The following COL21A1 variants were observed in gnomAD, a reference collection of about 807,000 sequenced individuals.
COL21A1 encodes collagen alpha-1(XXI) chain.
A neutral mutation model predicts 137.9 loss-of-function variants in COL21A1; 149 were observed. The ratio of observed to expected loss-of-function variants is 1.08; its 90% CI spans 0.95 to 1.24. COL21A1 has a LOEUF of 1.24. Among genes scored for constraint, COL21A1 ranks in the 50% most tolerant of loss-of-function variants. The pLI is 0.00. For missense variants in COL21A1, 1,167 were observed against 1,158.4 expected (o/e 1.01, Z -0.11); for synonymous variants, 456 against 391.5 (o/e 1.16, Z -1.95).
At chr6:56,174,160 A>T (rs1292619704) in intron 3 of COL21A1, among the ~76,000 whole-genome samples, 1 of 152,168 alleles carries the variant, frequency 6.6e-6, no homozygotes, top group African/African-American at 2.4e-5. Context: ...TCCAAAATTT[A>T]TGAGATGCAG....
intron 10 of COL21A1, among the ~76,000 whole-genome samples, chr6:56,146,993 T>C (rs551732141): frequency 6.6e-6 from 1 of 152,124 alleles, no homozygotes; most frequent in African/African-American, 2.4e-5. Context: ...CTTTGACAAA[T>C]AATCTCTGCA....
At chr6:56,092,404 T>G (rs1768924987) in intron 17 of COL21A1, among the ~76,000 whole-genome samples, 1 of 152,130 alleles carries the variant, frequency 6.6e-6, no homozygotes. Flanking sequence ...ATATAGCACA[T>G]TAAGTATCAT....
At chr6:56,366,349 G>A (rs1434165018) in intron 1 of COL21A1, among the ~76,000 whole-genome samples, 1 of 152,182 alleles carries the variant, frequency 6.6e-6, no homozygotes, top group Non-Finnish European at 1.5e-5. Context: ...TACTAGGACT[G>A]ACTTTTAGCT....
Position 56,126,354 on chromosome 6 carries a change from T to C in COL21A1, c.1543-205A>G, listed in dbSNP as rs78904255. 1,422 of 478,352 alleles carry C rather than the reference T, an allele frequency of 3.0e-3. 20 individuals are homozygous for C. The highest frequency in any genetic ancestry group is 0.027 in the African/African-American group (1,341 of 48,918). 29.6% of individuals were successfully genotyped at this position (478,352 alleles called of 1,614,324 possible). A position where few individuals can be genotyped will look rare whatever the true frequency, so the allele number is the denominator to read the frequency against. On this transcript the variant is annotated intron_variant, in intron 12 of 29. Coordinates refer to ENST00000244728, the MANE Select transcript of COL21A1 (RefSeq NM_030820.4). ...TTATAATCAGAGAAGATAAGTATTT[T>C]GGAGCTAAGAAAATCTCACTAGCAA...
intron 10 of COL21A1, among the ~76,000 whole-genome samples, chr6:56,155,529 T>C (rs1399700133): frequency 6.6e-6 from 1 of 152,222 alleles, no homozygotes. Context: ...AATTAATGCC[T>C]CATGATAAAG....
chr6:56,188,907 T>C (rs1471011703), intron 1 of COL21A1, among the ~76,000 whole-genome samples: 1 of 152,112 alleles, frequency 6.6e-6, no homozygotes, highest in Non-Finnish European at 1.5e-5. Context: ...ACTGTCAGAA[T>C]GAAAACTAAC....
chr6:56,313,374 A>G (rs916675530), intron 1 of COL21A1, among the ~76,000 whole-genome samples: 1 of 152,212 alleles, frequency 6.6e-6, no homozygotes, highest in Admixed American at 6.5e-5. Flanking sequence ...TTGGGCTGTC[A>G]TAACAACATA....
chr6:56,380,309 A>T (rs1385711363), intron 1 of COL21A1, among the ~76,000 whole-genome samples: 1 of 152,204 alleles, frequency 6.6e-6, no homozygotes, highest in Non-Finnish European at 1.5e-5. Context: ...CAGAACTGTG[A>T]GCCAAATAAA....
chr6:56,322,274 G>A (rs544862841), intron 1 of COL21A1, among the ~76,000 whole-genome samples: 1 of 152,082 alleles, frequency 6.6e-6, no homozygotes, highest in African/African-American at 2.4e-5. Flanking sequence ...CCATAACAAC[G>A]CCCAACTACA....
chr6:56,240,857 G>T (rs1782264221), intron 1 of COL21A1, among the ~76,000 whole-genome samples: 1 of 152,130 alleles, frequency 6.6e-6, no homozygotes, highest in African/African-American at 2.4e-5. Context: ...CTAAATAGTA[G>T]TGTAGAAATG....
At chr6:56,218,385 C>T (rs1046522652) in intron 1 of COL21A1, among the ~76,000 whole-genome samples, 1 of 151,798 alleles carries the variant, frequency 6.6e-6, no homozygotes, top group African/African-American at 2.4e-5. Flanking sequence ...CCCAACACTT[C>T]CTAAAATCAA....
At chr6:56,261,586 C>T (rs992999939) in intron 1 of COL21A1, among the ~76,000 whole-genome samples, 3 of 152,148 alleles carry the variant, frequency 2.0e-5, no homozygotes, top group African/African-American at 7.2e-5. Context: ...CATCTACAGG[C>T]ACCTTGGTCA....
chr6:56,097,908 T>TAAATATATATAAATATATAAATATATAA (rs1769597033), intron 17 of COL21A1, among the ~76,000 whole-genome samples: 3 of 96,872 alleles, frequency 3.1e-5, no homozygotes, highest in African/African-American at 4.3e-5. Context: ...TATAAATATA[T>TAAATATATATAAATATATAAATATATAA]AAATATATAT....
At chr6:56,208,984 G>A (rs1444312204) in intron 1 of COL21A1, among the ~76,000 whole-genome samples, 1 of 152,116 alleles carries the variant, frequency 6.6e-6, no homozygotes, top group African/African-American at 2.4e-5. Context: ...GCAGAAAGCT[G>A]AAACTGGATC....
chr6:56,241,636 T>A (rs9349805), intron 1 of COL21A1, among the ~76,000 whole-genome samples: 29,596 of 148,974 alleles, frequency 0.2, 3,569 homozygotes, highest in Non-Finnish European at 0.27. Flanking sequence ...TCTCAGGACC[T>A]GGGTATTTAC....
intron 16 of COL21A1, among the ~76,000 whole-genome samples, chr6:56,122,797 G>A (rs1772668255): frequency 6.6e-6 from 1 of 152,022 alleles, no homozygotes; most frequent in South Asian, 2.1e-4. Flanking sequence ...TTTTTTGCCA[G>A]GAACTGTGCT....
At chr6:56,359,414 C>A (rs1350855459) in intron 1 of COL21A1, among the ~76,000 whole-genome samples, 1 of 152,134 alleles carries the variant, frequency 6.6e-6, no homozygotes, top group African/African-American at 2.4e-5. Flanking sequence ...TGATTACCCA[C>A]CAGAGGGCAC....
At chr6:56,101,669 T>C in intron 16 of COL21A1, 144 bp from the exon 17 acceptor site, 1 of 646,210 alleles carries the variant, frequency 1.5e-6, no homozygotes, top group Non-Finnish European at 2.7e-6. Flanking sequence ...ATATTAACTT[T>C]TCCTGACATC....
At chr6:56,266,442 C>A (rs192654903) in intron 1 of COL21A1, among the ~76,000 whole-genome samples, 1 of 152,120 alleles carries the variant, frequency 6.6e-6, no homozygotes, top group Non-Finnish European at 1.5e-5. Context: ...TGCTTTCACA[C>A]TGTAGTAGCA....
Sources: allele counts gnomAD v4.1 joint callset (sites outside exome capture counted in the v4.1 genomes callset), GRCh38; gene constraint gnomAD v4.1.1; transcripts MANE v1.5; gene names NCBI Gene and HGNC (gene_info 2026-07-23, HGNC 2026-07-21).